Variants in SMAGP observed in about 807,000 individuals in gnomAD.
The protein encoded by SMAGP is small cell adhesion glycoprotein.
In SMAGP, 7 loss-of-function variants were observed where a neutral mutation model predicts 10.1. The ratio of observed to expected loss-of-function variants is 0.70; its 90% CI spans 0.40 to 1.31. The LOEUF (loss-of-function observed/expected upper bound fraction) is 1.31. SMAGP is among the 50% of genes most tolerant of loss of function. SMAGP has a pLI of 0.01. For synonymous variants in SMAGP, 49 were observed against 47.2 expected (o/e 1.04, Z -0.16); for missense variants, 113 against 116.5 (o/e 0.97, Z 0.14).
At chr12:51,257,783 G>T (rs191753113) in intron 2 of SMAGP, among the ~76,000 whole-genome samples, 1 of 151,970 alleles carries the variant, frequency 6.6e-6, no homozygotes, top group South Asian at 2.1e-4. Context: ...GACCTCAGGT[G>T]ATCTGCCTGT....
At chr12:51,248,770 T>C (rs573618947) in intron 2 of SMAGP, among the ~76,000 whole-genome samples, 7 of 152,042 alleles carry the variant, frequency 4.6e-5, no homozygotes, top group Admixed American at 3.3e-4. Flanking sequence ...TAGTTGAACA[T>C]GGCTGGACAT....
rs1266073644 is a variant in SMAGP at position 51,245,975 on chromosome 12, G to A, written c.260C>T (p.Ala87Val). Residue 87 changes from alanine to valine, a missense_variant, in exon 4 of 4, where the codon GCC becomes GTC. Transcript: ENST00000603798. ...SAIVQMESDL[A>V]KGSEKEEYFI Reference sequence around the variant, plus strand: ...ATATTCCTCTTTCTCGCTGCCCTTGGCCAAGTCACTCTCCATCTGGACGAT... The same window carrying A: ...ATATTCCTCTTTCTCGCTGCCCTTGACCAAGTCACTCTCCATCTGGACGAT... 6.2e-7 allele frequency: 1 copy of A among 1,613,848 alleles called. No individual in the cohort carries two copies.
At position 51,266,065 on chromosome 12, in the gene SMAGP, G is replaced by C. The variant is rs1408003260; in HGVS notation, c.34+3180C>G. On this transcript the variant is annotated intron_variant, in intron 2 of 3. Transcript: ENST00000603798. Reference sequence around the variant, plus strand: ...CTACTGCACTCCAGCCTGGGTGACAGAGCGAGACTCCGTCTCAAAAAAAAA... The same window carrying C: ...CTACTGCACTCCAGCCTGGGTGACACAGCGAGACTCCGTCTCAAAAAAAAA... Among the ~76,000 whole-genome samples, 3 of 151,676 alleles carry C rather than the reference G, an allele frequency of 2.0e-5. No individual in the cohort carries two copies. The South Asian group carries it at 6.2e-4, about 31-fold the overall frequency.
At position 51,245,343 on chromosome 12, in the gene SMAGP, G is replaced by T. The variant is rs973859282; in HGVS notation, c.*598C>A. 3 of 152,638 alleles carry T rather than the reference G, an allele frequency of 2.0e-5. No individual in the cohort carries two copies. Among genetic ancestry groups the T allele is most frequent in the African/African-American group, 7.2e-5 (3 of 41,454 alleles). The allele number at this position is 152,638 out of a possible 1,614,324, so 9.5% of individuals were successfully genotyped here. A position where few individuals can be genotyped will look rare whatever the true frequency, so the allele number is the denominator to read the frequency against. On this transcript the variant is annotated 3_prime_UTR_variant, in exon 4 of 4. Transcript: ENST00000603798. ...AAATGTAGTTACTTCTTGCACATGA[G>T]AATCTGATTTCTGTAGCAATGAAAA...
At chr12:51,246,503 G>C (rs767290241) in intron 3 of SMAGP, 15 of 441,714 alleles carry the variant, frequency 3.4e-5, no homozygotes, top group Non-Finnish European at 5.2e-5. Context: ...CCCTACCCAC[G>C]TACTCAAGTG....
chr12:51,255,396 G>A (rs945599608), intron 2 of SMAGP, among the ~76,000 whole-genome samples: 3 of 152,126 alleles, frequency 2.0e-5, no homozygotes, highest in Non-Finnish European at 4.4e-5. Context: ...ATCTCCTACA[G>A]ATCTCGTTAA....
In SMAGP at chr12:51,245,099, T is replaced by A; in HGVS notation, c.*842A>T. On this transcript the variant is annotated 3_prime_UTR_variant, in exon 4 of 4. Transcript: ENST00000603798. Reference sequence around the variant, plus strand: ...GCCTCGGCCTCCCAAAGTGCTGGGATCACAGGCGTGAGCCACCGAACCCGG... The same window carrying A: ...GCCTCGGCCTCCCAAAGTGCTGGGAACACAGGCGTGAGCCACCGAACCCGG... 1 of 152,236 alleles carries A rather than the reference T, an allele frequency of 6.6e-6. No homozygotes were observed. Among genetic ancestry groups the A allele is most frequent in the Non-Finnish European group, 1.5e-5 (1 of 68,094 alleles). 9.4% of individuals were successfully genotyped at this position (152,236 alleles called of 1,614,324 possible).
rs149325092 is a variant in SMAGP at position 51,251,898 on chromosome 12, C to T, written c.35-5067G>A. 4.6e-3 allele frequency among the ~76,000 whole-genome samples: 697 copies of T among 152,260 alleles called. 7 individuals are homozygous for T. The highest frequency in any genetic ancestry group is 0.016 in the African/African-American group (663 of 41,550). On this transcript the variant is annotated intron_variant, in intron 2 of 3. Coordinates refer to ENST00000603798, the MANE Select transcript of SMAGP (RefSeq NM_001031628.2). ...TAACATGATCAGAAGCAAGCTTTCTCACAACTAGAGAATATTTTAGCCATA... is the reference window on the plus strand; with the variant it reads ...TAACATGATCAGAAGCAAGCTTTCTTACAACTAGAGAATATTTTAGCCATA...
intron 2 of SMAGP, among the ~76,000 whole-genome samples, chr12:51,252,683 G>GCCCCCTCCCCC (rs1555166942): frequency 5.3e-5 from 8 of 149,752 alleles, no homozygotes; most frequent in Non-Finnish European, 8.8e-5. Flanking sequence ...GAGCCACATC[G>GCCCCCTCCCCC]CCCCCCGAAG....
intron 2 of SMAGP, among the ~76,000 whole-genome samples, chr12:51,248,450 TCTCTCTCTC>T (rs1944805418): frequency 7.4e-6 from 1 of 134,670 alleles, no homozygotes; most frequent in Non-Finnish European, 1.6e-5. Context: ...TCTCTCTCTC[TCTCTCTCTC>T]TCTCTCTCTC....
At chr12:51,248,119 C>T (rs1035427191) in intron 2 of SMAGP, among the ~76,000 whole-genome samples, 1 of 149,384 alleles carries the variant, frequency 6.7e-6, no homozygotes, top group African/African-American at 2.5e-5. Flanking sequence ...GTGCCTGACA[C>T]GTTCAGGTTT....
At chr12:51,261,099 T>TTTC (rs903749639) in intron 2 of SMAGP, among the ~76,000 whole-genome samples, 4 of 143,282 alleles carry the variant, frequency 2.8e-5, no homozygotes, top group Non-Finnish European at 6.2e-5. Flanking sequence ...TTAATTTTTT[T>TTTC]TTTTTTTTTT....
rs1944958441 is a variant in SMAGP, at chr12:51,264,690, G to T, written c.34+4555C>A. 7.3e-5 allele frequency among the ~76,000 whole-genome samples: 11 copies of T among 150,612 alleles called. No individual in the cohort carries two copies. The Admixed American group carries it at 7.3e-4, about 10-fold the overall frequency. ...CTCATGCCTGTAATCCTAGTACTTT[G>T]GGAGGCCAAGGCAGGCGGATTGCCT... On this transcript the variant is annotated intron_variant, in intron 2 of 3. Coordinates refer to ENST00000603798, the MANE Select transcript of SMAGP (RefSeq NM_001031628.2).
At chr12:51,252,753 G>A (rs1944851090) in intron 2 of SMAGP, among the ~76,000 whole-genome samples, 1 of 152,072 alleles carries the variant, frequency 6.6e-6, no homozygotes, top group Admixed American at 6.6e-5. Flanking sequence ...GCTTCTTTGG[G>A]CCTGAGGGGT....
chr12:51,267,553 G>A (rs1944987127), intron 2 of SMAGP, among the ~76,000 whole-genome samples: 1 of 146,548 alleles, frequency 6.8e-6, no homozygotes, highest in African/African-American at 2.5e-5. Flanking sequence ...GAGTGCAGTG[G>A]CATGATCTCG....
chr12:51,250,398 A>T (rs1178120087), intron 2 of SMAGP, among the ~76,000 whole-genome samples: 1 of 152,076 alleles, frequency 6.6e-6, no homozygotes, highest in African/African-American at 2.4e-5. Context: ...TAAATTAATT[A>T]AAGGGAGAGT....
intron 2 of SMAGP, among the ~76,000 whole-genome samples, chr12:51,248,422 ACACACACACACACTCT>A (rs1191658273): frequency 2.7e-5 from 3 of 111,206 alleles, no homozygotes; most frequent in African/African-American, 1.1e-4. Context: ...ACACACACAC[ACACACACACACACTCT>A]CTCTCTCTCT....
intron 1 of SMAGP, chr12:51,269,565 A>G: frequency 2.7e-6 from 1 of 370,306 alleles, no homozygotes; most frequent in Non-Finnish European, 5.0e-6. Context: ...GGTCCTTTCA[A>G]TGGGCCACCA....
chr12:51,261,092 A>ATTTTTT (rs34540958), intron 2 of SMAGP, among the ~76,000 whole-genome samples: 5 of 110,794 alleles, frequency 4.5e-5, no homozygotes, highest in Admixed American at 2.2e-4. Flanking sequence ...CCCAGCCTTA[A>ATTTTTT]TTTTTTTTTT....
Sources: gnomAD v4.1 joint callset for allele counts (sites outside exome capture counted in the v4.1 genomes callset) on GRCh38, gnomAD v4.1.1 for gene constraint, MANE v1.5 for transcripts, NCBI Gene and HGNC (gene_info 2026-07-23, HGNC 2026-07-21) for gene names.